C3orf20: variants seen among roughly 807,000 people sequenced by gnomAD.
C3orf20 encodes uncharacterized protein C3orf20.
In C3orf20, 76 loss-of-function variants were observed where a neutral mutation model predicts 88.3. The observed-to-expected ratio is 0.86, with a 90% CI of 0.72 to 1.04. The LOEUF (loss-of-function observed/expected upper bound fraction) is 1.04. Among genes scored for constraint, C3orf20 ranks in the 50% least tolerant of loss-of-function variants. The probability of loss-of-function intolerance (pLI) is 0.00; values close to 1 mark genes in which losing one functional copy is unlikely to be tolerated. For synonymous variants in C3orf20, 436 were observed against 437.4 expected, an observed-to-expected ratio of 1.00 and a Z score of 0.04; for missense variants, 1,056 against 1,123.3, an observed-to-expected ratio of 0.94 and a Z score of 0.86.
At chr3:14,684,807 A>G (rs1165381343) in intron 4 of C3orf20, among the ~76,000 whole-genome samples, 2 of 152,198 alleles carry the variant, frequency 1.3e-5, no homozygotes, top group East Asian at 1.9e-4. Context: ...GTCATGGCCT[A>G]TGTGGGTCAG....
At position 14,689,518 on chromosome 3, in the gene C3orf20, T is replaced by C. The variant is rs528290475; in HGVS notation, c.626-479T>C. ...TAGCCATAAGGGTGCTACATTTTAA[T>C]TCTTAAGTGGTCAGATATCAAACGA... On this transcript the variant is annotated intron_variant, in intron 4 of 16. Coordinates refer to ENST00000253697, the MANE Select transcript of C3orf20 (RefSeq NM_032137.5). 3.3e-5 allele frequency among the ~76,000 whole-genome samples: 5 copies of C among 152,348 alleles called. No individual in the cohort carries two copies. The East Asian group carries it at 9.6e-4, about 29-fold the overall frequency.
chr3:14,755,579 G>A (rs540775075), intron 12 of C3orf20, among the ~76,000 whole-genome samples: 3 of 152,126 alleles, frequency 2.0e-5, no homozygotes, highest in Non-Finnish European at 4.4e-5. Context: ...GTACTTATCA[G>A]TATTAATAGC....
chr3:14,706,633 T>C (rs2033514281), intron 7 of C3orf20, among the ~76,000 whole-genome samples: 1 of 147,240 alleles, frequency 6.8e-6, no homozygotes. Context: ...GATCACATCC[T>C]CGCAATTAAT....
intron 4 of C3orf20, among the ~76,000 whole-genome samples, chr3:14,684,657 C>G (rs777738575): frequency 1.3e-5 from 2 of 152,242 alleles, no homozygotes; most frequent in Non-Finnish European, 2.9e-5. Context: ...TGCTCTCAAG[C>G]TACGTGCAGT....
In C3orf20 at chr3:14,772,907, C is replaced by T; in HGVS notation, c.*32C>T. ...CCTGGCAGCAGCCAAGTGAGCCAGG[C>T]CCCGGCCCGGGGTGCTGGGGCTTCT... On this transcript the variant is annotated 3_prime_UTR_variant, in exon 17 of 17. Transcript: ENST00000253697. This position sits in a 1 kb window ranked among gnomAD's most constrained non-coding sequence, Gnocchi z 4.2. The T allele has an allele frequency of 6.3e-7, 1 of 1,575,460 alleles. No individual in the cohort carries two copies. The highest frequency in any genetic ancestry group is 1.7e-5 in the Admixed American group (1 of 59,850).
At chr3:14,724,094 C>T (rs1440643265) in intron 10 of C3orf20, among the ~76,000 whole-genome samples, 1 of 152,128 alleles carries the variant, frequency 6.6e-6, no homozygotes, top group Non-Finnish European at 1.5e-5. Context: ...GCTGGGATTA[C>T]AGGCGTGAGC....
At position 14,701,614 on chromosome 3, in the gene C3orf20, G is replaced by A. The variant is rs752091347; in HGVS notation, c.746-1516G>A. Reference sequence around the variant, plus strand: ...CAGGTCATGCAGATCATTGTCATCCGGTCTGCAGAGACTCAGATGACAGTG... The same window carrying A: ...CAGGTCATGCAGATCATTGTCATCCAGTCTGCAGAGACTCAGATGACAGTG... On this transcript the variant is annotated intron_variant, in intron 5 of 16. Transcript: ENST00000253697. The surrounding 1 kb of genome is among the most constrained non-coding windows in gnomAD (Gnocchi z 4.6). Among the ~76,000 whole-genome samples, 50 of 152,140 alleles carry A rather than the reference G, an allele frequency of 3.3e-4. No homozygotes were observed. The highest frequency in any genetic ancestry group is 6.5e-4 in the Non-Finnish European group (44 of 68,012).
chr3:14,677,805 C>T (rs1280062795), intron 1 of C3orf20, among the ~76,000 whole-genome samples: 1 of 152,120 alleles, frequency 6.6e-6, no homozygotes, highest in Non-Finnish European at 1.5e-5. Context: ...CTGGCCTGAA[C>T]ATCCTTTTTT....
At chr3:14,728,380 CA>C in intron 11 of C3orf20, 58 bp from the exon 12 acceptor site, 1 of 1,601,980 alleles carries the variant, frequency 6.2e-7, no homozygotes, top group Non-Finnish European at 8.5e-7. Flanking sequence ...AGTCTGGGAC[CA>C]GGGGCAGAGG....
At chr3:14,730,440 G>A (rs555039564) in intron 12 of C3orf20, among the ~76,000 whole-genome samples, 13 of 152,002 alleles carry the variant, frequency 8.6e-5, no homozygotes, top group Non-Finnish European at 1.9e-4. Context: ...CCAGCTACTC[G>A]GGAGGCTGAG....
intron 12 of C3orf20, among the ~76,000 whole-genome samples, chr3:14,737,122 AT>A (rs2034736854): frequency 2.6e-5 from 4 of 152,062 alleles, no homozygotes; most frequent in Admixed American, 2.6e-4. Context: ...CATTGTACTT[AT>A]CCAGTTTGTA....
At chr3:14,676,518 T>C (rs1266841696) in intron 1 of C3orf20, among the ~76,000 whole-genome samples, 1 of 152,248 alleles carries the variant, frequency 6.6e-6, no homozygotes, top group Admixed American at 6.5e-5. Flanking sequence ...GTTCATCAGC[T>C]TAATGTACAT....
rs182827311 is a variant in C3orf20, at chr3:14,728,323, C to T, written c.1691-116C>T. On this transcript the variant is annotated intron_variant, in intron 11 of 16. Coordinates refer to ENST00000253697, the MANE Select transcript of C3orf20 (RefSeq NM_032137.5). Reference sequence around the variant, plus strand: ...GGAGGTGCCGGAGAATCAATGAGAGCGGAGGGGAGGAGATGGGGGTGAGCC... The same window carrying T: ...GGAGGTGCCGGAGAATCAATGAGAGTGGAGGGGAGGAGATGGGGGTGAGCC... 6.8e-5 allele frequency: 84 copies of T among 1,228,094 alleles called. No homozygotes were observed. The East Asian group carries it at 9.6e-4, about 14-fold the overall frequency. The allele number at this position is 1,228,094 out of a possible 1,614,324, so 76.1% of individuals were successfully genotyped here.
intron 12 of C3orf20, among the ~76,000 whole-genome samples, chr3:14,736,974 A>C (rs971032381): frequency 2.6e-5 from 4 of 152,072 alleles, no homozygotes; most frequent in African/African-American, 9.7e-5. Context: ...CTACCATTTT[A>C]TTAAGGATTT....
chr3:14,751,819 A>C (rs950267051), intron 12 of C3orf20, among the ~76,000 whole-genome samples: 2 of 152,220 alleles, frequency 1.3e-5, no homozygotes, highest in East Asian at 1.9e-4. Context: ...CCACTTCTCA[A>C]GGAAATAAAA....
chr3:14,709,448 A>G (rs1036069059), intron 7 of C3orf20, among the ~76,000 whole-genome samples: 3 of 152,144 alleles, frequency 2.0e-5, no homozygotes, highest in Non-Finnish European at 2.9e-5. Flanking sequence ...TGTTCTTTAT[A>G]TTAGAGGAAA....
intron 12 of C3orf20, among the ~76,000 whole-genome samples, chr3:14,729,132 G>T (rs1366007329): frequency 6.6e-6 from 1 of 152,212 alleles, no homozygotes; most frequent in East Asian, 1.9e-4. Flanking sequence ...AGTGGACATT[G>T]AGGGTCAGGC....
At chr3:14,743,743 A>G (rs992555658) in intron 12 of C3orf20, among the ~76,000 whole-genome samples, 7 of 152,010 alleles carry the variant, frequency 4.6e-5, no homozygotes, top group Non-Finnish European at 7.3e-5. Context: ...GTGCACCCAC[A>G]CACTCAACTC....
At chr3:14,728,998 GAGA>G (rs1341010514) in intron 12 of C3orf20, among the ~76,000 whole-genome samples, 2 of 152,144 alleles carry the variant, frequency 1.3e-5, no homozygotes, top group Non-Finnish European at 2.9e-5. Flanking sequence ...AGAAAAAAAT[GAGA>G]AGATTTCATG....
Sources: gnomAD v4.1 joint callset for allele counts (sites outside exome capture counted in the v4.1 genomes callset) on GRCh38, gnomAD v4.1.1 for gene constraint, Gnocchi (gnomAD v3.1) non-coding constraint, MANE v1.5 for transcripts, NCBI Gene and HGNC (gene_info 2026-07-23, HGNC 2026-07-21) for gene names.